FAM168A: variants seen among roughly 807,000 people sequenced by gnomAD.
The protein encoded by FAM168A is family with sequence similarity 168 member A, also known as protein FAM168A.
In FAM168A, 3 loss-of-function variants were observed where a neutral mutation model predicts 28.5. That is an observed-to-expected ratio of 0.11 (90% CI 0.05 to 0.27). The LOEUF (loss-of-function observed/expected upper bound fraction) is 0.27, where lower values mean the gene tolerates loss of function less well. Ranked by LOEUF, FAM168A falls within the 10% of genes least tolerant of loss-of-function variation. The probability of loss-of-function intolerance (pLI) is 1.00; values close to 1 mark genes in which losing one functional copy is unlikely to be tolerated. For missense variants in FAM168A, 222 were observed against 311.5 expected, an observed-to-expected ratio of 0.71 and a Z score of 2.16; for synonymous variants, 122 against 124.2, an observed-to-expected ratio of 0.98 and a Z score of 0.12.
At chr11:73,415,107 C>G (rs1866674871) in intron 4 of FAM168A, among the ~76,000 whole-genome samples, 1 of 152,182 alleles carries the variant, frequency 6.6e-6, no homozygotes, top group South Asian at 2.1e-4. Context: ...TAAGAATAAC[C>G]TTGTCTGAGA....
At chr11:73,573,872 C>T (rs972700375) in intron 1 of FAM168A, among the ~76,000 whole-genome samples, 3 of 152,156 alleles carry the variant, frequency 2.0e-5, no homozygotes, top group African/African-American at 7.2e-5. Context: ...GAGAGGATCA[C>T]TATGTCCAGG....
intron 1 of FAM168A, among the ~76,000 whole-genome samples, chr11:73,477,681 T>C (rs1867907202): frequency 6.6e-6 from 1 of 150,504 alleles, no homozygotes; most frequent in East Asian, 1.9e-4. Context: ...ATATTCAATG[T>C]GCTGAAAAAA....
chr11:73,416,984 A>G (rs1348342543), intron 4 of FAM168A, among the ~76,000 whole-genome samples: 1 of 152,130 alleles, frequency 6.6e-6, no homozygotes, highest in Non-Finnish European at 1.5e-5. Flanking sequence ...GGTCTTTTTC[A>G]GGGACTGTGA....
chr11:73,493,293 G>A (rs1050687564), intron 1 of FAM168A, among the ~76,000 whole-genome samples: 19 of 152,156 alleles, frequency 1.2e-4, no homozygotes, highest in African/African-American at 3.6e-4. Flanking sequence ...AGTGCTAAAC[G>A]AACTTTACAG....
At chr11:73,484,693 TAGATATAG>T (rs1868027546) in intron 1 of FAM168A, among the ~76,000 whole-genome samples, 1 of 80,910 alleles carries the variant, frequency 1.2e-5, no homozygotes. Context: ...TATAGATATA[TAGATATAG>T]ATATATATAG....
At chr11:73,429,745 A>G (rs978257803) in intron 3 of FAM168A, among the ~76,000 whole-genome samples, 4 of 152,224 alleles carry the variant, frequency 2.6e-5, no homozygotes, top group African/African-American at 9.6e-5. Context: ...CCTTTTTACA[A>G]TACTTAGCAC....
chr11:73,569,767 T>G (rs111941633), intron 1 of FAM168A, among the ~76,000 whole-genome samples: 2 of 151,978 alleles, frequency 1.3e-5, no homozygotes, highest in African/African-American at 4.8e-5. Context: ...GAGGTTGCAG[T>G]GAGCTGGGAT....
At chr11:73,579,433 T>C (rs1944217929) in intron 1 of FAM168A, among the ~76,000 whole-genome samples, 1 of 152,218 alleles carries the variant, frequency 6.6e-6, no homozygotes, top group African/African-American at 2.4e-5. Context: ...AAATAAGTTA[T>C]AGAAAGATTA....
chr11:73,460,628 C>T (rs946961871), intron 2 of FAM168A, among the ~76,000 whole-genome samples: 8 of 151,814 alleles, frequency 5.3e-5, no homozygotes, highest in Admixed American at 3.3e-4. Context: ...CTCAGCCTCC[C>T]CAGTAGCTAG....
Position 73,430,682 on chromosome 11 carries a change from C to T in FAM168A, c.151+8G>A, listed in dbSNP as rs754255701. 7 of 1,612,808 alleles carry T rather than the reference C, an allele frequency of 4.3e-6. No homozygotes were observed. Among genetic ancestry groups the T allele is most frequent in the Non-Finnish European group, 4.2e-6 (5 of 1,179,162 alleles). ...CCATTCGCCACTGCTGTCCCATTTC[C>T]TCCTTACCTGGAGCATAACTGGGAC... On this transcript the variant is annotated splice_region_variant and intron_variant, in intron 3 of 7. Coordinates refer to ENST00000356467, the MANE Select transcript of FAM168A (RefSeq NM_015159.3).
intron 1 of FAM168A, among the ~76,000 whole-genome samples, chr11:73,503,983 C>T: frequency 6.6e-6 from 1 of 152,140 alleles, no homozygotes; most frequent in Non-Finnish European, 1.5e-5. Context: ...CTCTTCCTTA[C>T]ATCTCATACA....
chr11:73,531,549 A>T (rs1453278564), intron 1 of FAM168A, among the ~76,000 whole-genome samples: 1 of 152,170 alleles, frequency 6.6e-6, no homozygotes, highest in Non-Finnish European at 1.5e-5. Context: ...ATGAGTAAGA[A>T]TATACCTATA....
At position 73,519,463 on chromosome 11, in the gene FAM168A, CA is replaced by C. The variant is rs1244560694; in HGVS notation, c.-18-50972del. ...TCTAGAGGAGGAAAGAGATGAAGGACAAGTGGGACAGACTAATACATCCTAT... is the reference window on the plus strand; with the variant it reads ...TCTAGAGGAGGAAAGAGATGAAGGACAGTGGGACAGACTAATACATCCTAT... On this transcript the variant is annotated intron_variant, in intron 1 of 7. Transcript: ENST00000356467. 5.3e-5 allele frequency among the ~76,000 whole-genome samples: 8 copies of C among 152,282 alleles called. No individual in the cohort carries two copies. In the East Asian group the frequency reaches 1.3e-3, roughly 26 times the overall value.
chr11:73,519,168 T>A (rs1321048030), intron 1 of FAM168A, among the ~76,000 whole-genome samples: 1 of 152,172 alleles, frequency 6.6e-6, no homozygotes, highest in Non-Finnish European at 1.5e-5. Flanking sequence ...CACAACTCCA[T>A]CAAGAGGTAG....
intron 1 of FAM168A, among the ~76,000 whole-genome samples, chr11:73,498,807 G>T (rs1172077813): frequency 6.6e-6 from 1 of 152,182 alleles, no homozygotes; most frequent in Non-Finnish European, 1.5e-5. Flanking sequence ...AGTGAGAGGG[G>T]CTTCCCTGCA....
chr11:73,575,349 A>T (rs1389127789), intron 1 of FAM168A, among the ~76,000 whole-genome samples: 2 of 152,218 alleles, frequency 1.3e-5, no homozygotes, highest in Non-Finnish European at 2.9e-5. Context: ...ATTAATTCAC[A>T]TATAATATTA....
rs1458097429 is a variant in FAM168A, at chr11:73,437,158, C to T, written c.71-6388G>A. 2.0e-5 allele frequency among the ~76,000 whole-genome samples: 3 copies of T among 151,682 alleles called. No homozygotes were observed. In the East Asian group the frequency reaches 5.8e-4, roughly 29 times the overall value. ...CTGTCTCCAGGCTGCAGTGCAGTGG[C>T]GCTATCTCGGCTTACTGCAACCTCC... On this transcript the variant is annotated intron_variant, in intron 2 of 7. Transcript: ENST00000356467.
In FAM168A at chr11:73,403,527, C is replaced by T. The variant is rs759774933; in HGVS notation, c.*3236G>A. 8 of 152,240 alleles carry T rather than the reference C, an allele frequency of 5.3e-5. No individual in the cohort carries two copies. Among genetic ancestry groups the T allele is most frequent in the Non-Finnish European group, 1.0e-4 (7 of 68,066 alleles). The allele number at this position is 152,240 out of a possible 1,614,324, so 9.4% of individuals were successfully genotyped here. Reference sequence around the variant, plus strand: ...CAGGCGGCTACATCCCTTGTCCTCTCTTGCTTGCCTGCCTTCAATGAGACG... The same window carrying T: ...CAGGCGGCTACATCCCTTGTCCTCTTTTGCTTGCCTGCCTTCAATGAGACG... On this transcript the variant is annotated 3_prime_UTR_variant, in exon 8 of 8. Transcript: ENST00000356467.
At position 73,442,955 on chromosome 11, in the gene FAM168A, GATATATATATATATATATAT is replaced by G. The variant is rs58430278; in HGVS notation, c.71-12205_71-12186del. Among the ~76,000 whole-genome samples the G allele has an allele frequency of 4.1e-3, 166 of 40,232 alleles. 5 individuals carry two copies. Among genetic ancestry groups the G allele is most frequent in the Middle Eastern group, 0.023 (1 of 44 alleles). 26.4% of individuals were successfully genotyped at this position (40,232 alleles called of 152,430 possible). A position where few individuals can be genotyped will look rare whatever the true frequency, so the allele number is the denominator to read the frequency against. On this transcript the variant is annotated intron_variant, in intron 2 of 7. Transcript: ENST00000356467. The stretch of plus-strand genomic sequence containing the variant: ...GGAATTTTCCTTTATATATACAAAG[GATATATATATATATATATAT>G]ATATATATATATATATATATATGCC...
Sources: gnomAD v4.1 joint callset for allele counts (sites outside exome capture counted in the v4.1 genomes callset) on GRCh38, gnomAD v4.1.1 for gene constraint, MANE v1.5 for transcripts, NCBI Gene and HGNC (gene_info 2026-07-23, HGNC 2026-07-21) for gene names.